Variants in MAGI2 observed in about 807,000 individuals in gnomAD.
MAGI2 encodes membrane associated guanylate kinase, WW and PDZ domain containing 2, also known as membrane-associated guanylate kinase, WW and PDZ domain-containing protein 2.
MAGI2 carries 35 observed loss-of-function variants against 133.3 expected under a neutral mutation model. The observed-to-expected ratio is 0.26, with a 90% CI of 0.20 to 0.35. The LOEUF (loss-of-function observed/expected upper bound fraction) is 0.35. Among genes scored for constraint, MAGI2 ranks in the 10% least tolerant of loss-of-function variants. The pLI is 1.00. For missense variants in MAGI2, 1,636 were observed against 1,863.4 expected, an observed-to-expected ratio of 0.88 and a Z score of 2.25; for synonymous variants, 729 against 710.6, an observed-to-expected ratio of 1.03 and a Z score of -0.41.
At chr7:79,036,118 G>T (rs1026536005) in intron 1 of MAGI2, among the ~76,000 whole-genome samples, 7 of 152,154 alleles carry the variant, frequency 4.6e-5, no homozygotes, top group African/African-American at 1.4e-4. Context: ...AAATGTGACA[G>T]CCCAGTAAGT....
At chr7:79,056,703 T>C (rs1813178238) in intron 1 of MAGI2, among the ~76,000 whole-genome samples, 1 of 152,304 alleles carries the variant, frequency 6.6e-6, no homozygotes, top group African/African-American at 2.4e-5. Context: ...AGCTAATAAC[T>C]AGATATTTCA....
chr7:78,164,527 A>C (rs1376103524), intron 15 of MAGI2, among the ~76,000 whole-genome samples: 1 of 152,260 alleles, frequency 6.6e-6, no homozygotes, highest in African/African-American at 2.4e-5. Context: ...CAGCTTATTT[A>C]AATGGGTGAC....
chr7:78,604,130 G>C (rs1805525921), intron 3 of MAGI2, among the ~76,000 whole-genome samples: 1 of 152,162 alleles, frequency 6.6e-6, no homozygotes. Context: ...TTTTATTGAT[G>C]AAACAGTCAT....
chr7:78,869,880 T>G (rs1433022433), intron 2 of MAGI2, among the ~76,000 whole-genome samples: 1 of 152,170 alleles, frequency 6.6e-6, no homozygotes, highest in Non-Finnish European at 1.5e-5. Context: ...TTTATTTGCT[T>G]TGTTGAAGAT....
chr7:78,075,223 C>T (rs959497100), intron 21 of MAGI2, among the ~76,000 whole-genome samples: 8 of 152,102 alleles, frequency 5.3e-5, no homozygotes, highest in African/African-American at 1.9e-4. Context: ...TACGTTGCTG[C>T]ATTTTTGTTG....
At chr7:78,131,802 T>C (rs1351880055) in intron 18 of MAGI2, among the ~76,000 whole-genome samples, 1 of 152,214 alleles carries the variant, frequency 6.6e-6, no homozygotes, top group Non-Finnish European at 1.5e-5. Flanking sequence ...TCTCTAATGC[T>C]ATGTGTGGAA....
At chr7:78,298,063 A>C (rs1797468997) in intron 9 of MAGI2, among the ~76,000 whole-genome samples, 1 of 152,152 alleles carries the variant, frequency 6.6e-6, no homozygotes, top group African/African-American at 2.4e-5. Flanking sequence ...TATACTTTCG[A>C]TATGATGTGA....
chr7:78,558,844 T>G (rs1019549157), intron 3 of MAGI2, among the ~76,000 whole-genome samples: 8 of 151,434 alleles, frequency 5.3e-5, no homozygotes, highest in South Asian at 2.1e-4. Context: ...ACCGTTTTTT[T>G]TTTTTTTTTT....
intron 1 of MAGI2, among the ~76,000 whole-genome samples, chr7:79,046,204 T>C (rs1812168890): frequency 6.6e-6 from 1 of 152,240 alleles, no homozygotes; most frequent in Non-Finnish European, 1.5e-5. Context: ...CTAGTTTCTC[T>C]TAATGTGACT....
At chr7:79,040,302 C>T (rs1584764353) in intron 1 of MAGI2, among the ~76,000 whole-genome samples, 1 of 152,028 alleles carries the variant, frequency 6.6e-6, no homozygotes, top group Non-Finnish European at 1.5e-5. Flanking sequence ...GCCTCCCCAG[C>T]CATTCTGAAC....
chr7:78,511,983 G>T (rs532606577), intron 4 of MAGI2, among the ~76,000 whole-genome samples: 1 of 151,728 alleles, frequency 6.6e-6, no homozygotes, highest in Non-Finnish European at 1.5e-5. Flanking sequence ...ATTAGCCGGG[G>T]GTGGTGGCGG....
intron 21 of MAGI2, among the ~76,000 whole-genome samples, chr7:78,048,968 C>T (rs987403020): frequency 5.9e-5 from 9 of 151,384 alleles, no homozygotes; most frequent in East Asian, 3.9e-4. Flanking sequence ...ATTAGCCGGG[C>T]GTGGTGGCGT....
intron 9 of MAGI2, among the ~76,000 whole-genome samples, chr7:78,310,932 C>T (rs911025911): frequency 2.6e-5 from 4 of 152,082 alleles, no homozygotes; most frequent in African/African-American, 4.8e-5. Flanking sequence ...AATCATACAT[C>T]GAAGTAAAGA....
intron 21 of MAGI2, among the ~76,000 whole-genome samples, chr7:78,028,613 G>A (rs1809206928): frequency 6.6e-6 from 1 of 152,136 alleles, no homozygotes; most frequent in South Asian, 2.1e-4. Context: ...CCAGCACTTT[G>A]GGAGGCCAAG....
At chr7:78,078,924 G>C in intron 21 of MAGI2, 23 bp downstream of exon 21, 1 of 1,612,646 alleles carries the variant, frequency 6.2e-7, no homozygotes, top group Non-Finnish European at 8.5e-7. Flanking sequence ...GAGCAAAAGG[G>C]TGAATTAAAA....
chr7:78,256,057 G>A lies in MAGI2; in HGVS notation c.1933C>T (p.Leu645Phe). 1 of 1,613,626 alleles carries A rather than the reference G, an allele frequency of 6.2e-7. No individual in the cohort carries two copies. The highest frequency in any genetic ancestry group is 1.7e-4 in the Middle Eastern group (1 of 6,054). The change falls in exon 10 of 22, where the codon CTC becomes TTC. Residue 645 changes from leucine (L) to phenylalanine (F), a missense_variant. By Grantham distance (22) the Leu-to-Phe change is conservative. This residue lies in a region of MAGI2 where 920 missense variants were observed against 1,093.5 expected (regional missense o/e 0.84). Transcript: ENST00000354212. ...QGCPGLCEGD[L>F]IVEINQQNVQ... ...TTCTGCTGGTTGATCTCAACAATGA[G>A]GTCGCCTTCACACAGGCCAGGGCAT...
At chr7:78,261,496 T>C (rs1793514589) in intron 9 of MAGI2, among the ~76,000 whole-genome samples, 1 of 152,178 alleles carries the variant, frequency 6.6e-6, no homozygotes, top group African/African-American at 2.4e-5. Context: ...TTCTCTACAC[T>C]ATATACAGAG....
At chr7:78,202,227 G>T (rs1301964868) in intron 10 of MAGI2, among the ~76,000 whole-genome samples, 2 of 151,626 alleles carry the variant, frequency 1.3e-5, no homozygotes, top group African/African-American at 4.9e-5. Flanking sequence ...GTTCAAAATG[G>T]GCATAGTTGA....
At chr7:78,591,326 A>C (rs1354942121) in intron 3 of MAGI2, among the ~76,000 whole-genome samples, 1 of 152,232 alleles carries the variant, frequency 6.6e-6, no homozygotes, top group Non-Finnish European at 1.5e-5. Flanking sequence ...TACAGCAATA[A>C]ACAAGAGCGG....
Sources: allele counts gnomAD v4.1 joint callset (sites outside exome capture counted in the v4.1 genomes callset), GRCh38; gene constraint gnomAD v4.1.1; regional missense constraint gnomAD v4.1.1; transcripts MANE v1.5; gene names NCBI Gene and HGNC (gene_info 2026-07-23, HGNC 2026-07-21).